NFYC: variants seen among roughly 807,000 people sequenced by gnomAD.
NFYC encodes the protein nuclear transcription factor Y subunit gamma.
NFYC carries 25 observed loss-of-function variants against 53.1 expected under a neutral mutation model. The observed-to-expected ratio is 0.47, with a 90% CI of 0.34 to 0.66. The LOEUF (loss-of-function observed/expected upper bound fraction) is 0.66, where lower values mean the gene tolerates loss of function less well. NFYC is among the 30% of genes least tolerant of loss of function. NFYC has a pLI of 0.01. For missense variants in NFYC, 260 were observed against 422.7 expected (o/e 0.62, Z 3.38); for synonymous variants, 145 against 152.6 (o/e 0.95, Z 0.37).
At position 40,747,515 on chromosome 1, in the gene NFYC, C is replaced by A. The variant is rs1052849089; in HGVS notation, c.106-19C>A. 3 of 1,591,576 alleles carry A rather than the reference C, an allele frequency of 1.9e-6. No individual in the cohort carries two copies. The Admixed American group carries it at 5.0e-5, about 27-fold the overall frequency. On this transcript the variant is annotated intron_variant, in intron 2 of 9. Coordinates refer to ENST00000447388, the MANE Select transcript of NFYC (RefSeq NM_014223.5). ...TTGATTGTCCCCACCATTTATGCAT[C>A]TCTTGTTGTTCATTTCAGAAAGACT...
intron 1 of NFYC, among the ~76,000 whole-genome samples, chr1:40,720,886 T>C (rs1003711150): frequency 2.0e-5 from 3 of 152,086 alleles, no homozygotes; most frequent in Non-Finnish European, 4.4e-5. Context: ...AAATTTTTTT[T>C]TAAGTTCTTG....
intron 1 of NFYC, among the ~76,000 whole-genome samples, chr1:40,714,425 T>C (rs947398027): frequency 6.6e-6 from 1 of 152,254 alleles, no homozygotes; most frequent in Non-Finnish European, 1.5e-5. Context: ...TGATATACTT[T>C]AACATTTTTA....
intron 1 of NFYC, among the ~76,000 whole-genome samples, chr1:40,695,278 G>A (rs1643066897): frequency 6.6e-6 from 1 of 152,034 alleles, no homozygotes; most frequent in Admixed American, 6.6e-5. Flanking sequence ...TACTAGAGAA[G>A]ATTTTACAAG....
At chr1:40,748,027 G>C (rs1325577879) in intron 3 of NFYC, among the ~76,000 whole-genome samples, 2 of 151,970 alleles carry the variant, frequency 1.3e-5, no homozygotes, top group South Asian at 4.2e-4. Flanking sequence ...GTAGAGACAG[G>C]GTTTCACCAT....
At chr1:40,696,093 GGCTCACTGCAA>G (rs986784237) in intron 1 of NFYC, among the ~76,000 whole-genome samples, 3 of 142,596 alleles carry the variant, frequency 2.1e-5, no homozygotes, top group African/African-American at 8.0e-5. Flanking sequence ...GCGCGATCTT[GGCTCACTGCAA>G]CCTCTGCCTC....
chr1:40,744,243 C>T (rs779013801), intron 2 of NFYC, among the ~76,000 whole-genome samples: 21 of 152,350 alleles, frequency 1.4e-4, no homozygotes, highest in African/African-American at 4.8e-4. Flanking sequence ...AATGCCCACC[C>T]TGCCCATCTC....
At chr1:40,744,780 C>T (rs1035930475) in intron 2 of NFYC, among the ~76,000 whole-genome samples, 1 of 152,214 alleles carries the variant, frequency 6.6e-6, no homozygotes, top group African/African-American at 2.4e-5. Context: ...AAATGTTACT[C>T]ACTTCAGTTA....
At chr1:40,767,990 A>T (rs1010267690) in intron 8 of NFYC, among the ~76,000 whole-genome samples, 2 of 152,268 alleles carry the variant, frequency 1.3e-5, no homozygotes, top group African/African-American at 2.4e-5. Flanking sequence ...AATAAAAATT[A>T]AAAAAAGTCC....
chr1:40,707,841 C>T (rs1643790519), intron 1 of NFYC, among the ~76,000 whole-genome samples: 2 of 141,970 alleles, frequency 1.4e-5, no homozygotes, highest in East Asian at 4.0e-4. Context: ...CAGAGCCAGA[C>T]CCTATCTCAA....
At chr1:40,721,634 C>T (rs1644331033) in intron 1 of NFYC, 1 of 152,308 alleles carries the variant, frequency 6.6e-6, no homozygotes, top group Non-Finnish European at 1.5e-5. Context: ...AATCATGGCT[C>T]ATTGCAGTCT....
intron 7 of NFYC, chr1:40,763,441 G>A (rs1646662557): frequency 2.2e-6 from 1 of 453,796 alleles, no homozygotes; most frequent in South Asian, 1.6e-5. Flanking sequence ...CCGCCTCCCA[G>A]GTTCAAGCGA....
At chr1:40,713,096 A>G (rs894590446) in intron 1 of NFYC, among the ~76,000 whole-genome samples, 2 of 152,208 alleles carry the variant, frequency 1.3e-5, no homozygotes, top group Admixed American at 6.5e-5. Flanking sequence ...GATACCTACT[A>G]TGAGATACCT....
intron 7 of NFYC, among the ~76,000 whole-genome samples, chr1:40,766,384 AT>A (rs1405587147): frequency 1.3e-5 from 2 of 152,102 alleles, no homozygotes; most frequent in African/African-American, 4.8e-5. Context: ...CATTCAGGGA[AT>A]ATATTCTCTT....
chr1:40,754,421 C>A (rs767610978), intron 5 of NFYC: 2 of 534,046 alleles, frequency 3.7e-6, no homozygotes, highest in African/African-American at 1.9e-5. Flanking sequence ...AGCTTTCAGT[C>A]GGATGTTTAC....
intron 6 of NFYC, among the ~76,000 whole-genome samples, chr1:40,758,712 C>T (rs770886726): frequency 3.7e-4 from 57 of 152,254 alleles, no homozygotes; most frequent in Non-Finnish European, 6.5e-4. Flanking sequence ...ACTCCTTCTC[C>T]CCGTCATTTC....
At chr1:40,739,915 G>A (rs79697066) in intron 2 of NFYC, among the ~76,000 whole-genome samples, 1 of 152,306 alleles carries the variant, frequency 6.6e-6, no homozygotes, top group Non-Finnish European at 1.5e-5. Flanking sequence ...GGCCCAGAGA[G>A]GACCTTGTAG....
chr1:40,770,943 G>A lies in NFYC; in HGVS notation c.*115G>A, dbSNP rs1647058794. 1.8e-6 allele frequency: 2 copies of A among 1,082,880 alleles called. No individual in the cohort carries two copies. Among genetic ancestry groups the A allele is most frequent in the Non-Finnish European group, 1.4e-6 (1 of 735,950 alleles). 67.1% of individuals were successfully genotyped at this position (1,082,880 alleles called of 1,614,324 possible). A position where few individuals can be genotyped will look rare whatever the true frequency, so the allele number is the denominator to read the frequency against. On this transcript the variant is annotated 3_prime_UTR_variant, in exon 10 of 10. Transcript: ENST00000447388. This position sits in a 1 kb window ranked among gnomAD's most constrained non-coding sequence, Gnocchi z 5.3. ...CGGCCGACCTCAGCGCCTCCTGCAG[G>A]CTAGGACACTGGTGCACTACACCCC... is the stretch of plus-strand genomic sequence containing the variant.
chr1:40,702,254 T>C (rs1643473102), intron 1 of NFYC, among the ~76,000 whole-genome samples: 1 of 152,200 alleles, frequency 6.6e-6, no homozygotes, highest in Non-Finnish European at 1.5e-5. Context: ...AACCATTTAC[T>C]GAGCACCAGT....
chr1:40,735,704 C>T, intron 1 of NFYC: 7 of 985,388 alleles, frequency 7.1e-6, no homozygotes, highest in Non-Finnish European at 8.4e-6. Flanking sequence ...GTTTGCATGG[C>T]AGATTGTGCC....
Sources: gnomAD v4.1 joint callset for allele counts (sites outside exome capture counted in the v4.1 genomes callset) on GRCh38, gnomAD v4.1.1 for gene constraint, Gnocchi (gnomAD v3.1) non-coding constraint, MANE v1.5 for transcripts, NCBI Gene and HGNC (gene_info 2026-07-23, HGNC 2026-07-21) for gene names.